Variants in PAK5 observed in about 807,000 individuals in gnomAD.
PAK5 encodes the protein p21 (RAC1) activated kinase 5.
A neutral mutation model predicts 65.9 loss-of-function variants in PAK5; 16 were observed. The observed-to-expected ratio is 0.24, with a 90% confidence interval of 0.16 to 0.37. The LOEUF is 0.37. Ranked by LOEUF, PAK5 falls within the 10% of genes least tolerant of loss-of-function variation. The pLI, the probability that PAK5 is intolerant of heterozygous loss-of-function variation, is 1.00. For synonymous variants in PAK5, 371 were observed against 354.9 expected (o/e 1.05, Z -0.51); for missense variants, 785 against 903.9 (o/e 0.87, Z 1.69).
intron 1 of PAK5, among the ~76,000 whole-genome samples, chr20:9,774,383 T>C (rs2048865376): frequency 1.3e-5 from 2 of 152,262 alleles, no homozygotes; most frequent in South Asian, 4.2e-4. Context: ...GCCATTACCA[T>C]CCCTGGAGTT....
chr20:9,728,140 G>T (rs1055336842), intron 1 of PAK5, among the ~76,000 whole-genome samples: 3 of 152,022 alleles, frequency 2.0e-5, no homozygotes, highest in Non-Finnish European at 2.9e-5. Flanking sequence ...AGGATCTACG[G>T]CCATAAAAGA....
chr20:9,722,543 C>T (rs866607388), intron 1 of PAK5, among the ~76,000 whole-genome samples: 4 of 151,864 alleles, frequency 2.6e-5, no homozygotes, highest in Admixed American at 6.6e-5. Context: ...ACCCGGGAGG[C>T]GGAGCTTGCA....
chr20:9,625,148 A>G (rs1600161933), intron 3 of PAK5, among the ~76,000 whole-genome samples: 1 of 151,916 alleles, frequency 6.6e-6, no homozygotes. Context: ...ACCACCTTTA[A>G]CCACCTCCAT....
rs538380330 is a variant in PAK5 at position 9,649,470 on chromosome 20, A to G, written c.-11-5131T>C. Among the ~76,000 whole-genome samples, 11 of 152,358 alleles carry G rather than the reference A, an allele frequency of 7.2e-5. No individual in the cohort carries two copies. The South Asian group carries it at 1.7e-3, about 23-fold the overall frequency. On this transcript the variant is annotated intron_variant, in intron 2 of 9. Coordinates refer to ENST00000353224, the MANE Select transcript of PAK5 (RefSeq NM_177990.4). ...ATAGAAGAGACTGAAGGAAATCCAGATCCCCAGACTCTAATACCCCATTTC... is the reference window on the plus strand; with the variant it reads ...ATAGAAGAGACTGAAGGAAATCCAGGTCCCCAGACTCTAATACCCCATTTC...
chr20:9,676,423 C>T (rs2047573334), intron 2 of PAK5, among the ~76,000 whole-genome samples: 1 of 152,044 alleles, frequency 6.6e-6, no homozygotes, highest in Admixed American at 6.6e-5. Flanking sequence ...TTTTGAAGGA[C>T]CTAATAAACT....
intron 1 of PAK5, among the ~76,000 whole-genome samples, chr20:9,723,262 G>A (rs146350878): frequency 6.9e-4 from 105 of 152,242 alleles, no homozygotes; most frequent in African/African-American, 2.1e-3. Flanking sequence ...GAGCAGTAGT[G>A]GGAACAGTGA....
intron 3 of PAK5, among the ~76,000 whole-genome samples, chr20:9,630,308 A>G (rs2046904981): frequency 6.6e-6 from 1 of 152,240 alleles, no homozygotes; most frequent in Non-Finnish European, 1.5e-5. Context: ...TAGAAAGATC[A>G]AAAGACAAAA....
chr20:9,732,709 T>C (rs2048347247), intron 1 of PAK5, among the ~76,000 whole-genome samples: 1 of 152,178 alleles, frequency 6.6e-6, no homozygotes. Flanking sequence ...TCTCTAATCT[T>C]GGATTGGTCT....
intron 1 of PAK5, among the ~76,000 whole-genome samples, chr20:9,734,030 A>G (rs914844699): frequency 3.9e-5 from 6 of 152,246 alleles, no homozygotes; most frequent in African/African-American, 1.2e-4. Context: ...AATGTGAAGT[A>G]GAAATCCTTC....
chr20:9,766,199 C>G (rs537145949), intron 1 of PAK5, among the ~76,000 whole-genome samples: 1 of 139,300 alleles, frequency 7.2e-6, no homozygotes, highest in African/African-American at 2.7e-5. Context: ...TCCAGCCTGG[C>G]GACAGAGCAA....
intron 2 of PAK5, among the ~76,000 whole-genome samples, chr20:9,654,001 G>C (rs534519504): frequency 6.7e-6 from 1 of 150,098 alleles, no homozygotes; most frequent in South Asian, 2.1e-4. Context: ...TGCCCCCCAG[G>C]CTGGAGTGCT....
intron 1 of PAK5, among the ~76,000 whole-genome samples, chr20:9,771,551 G>A (rs1422836624): frequency 6.7e-6 from 1 of 148,482 alleles, no homozygotes; most frequent in Non-Finnish European, 1.5e-5. Flanking sequence ...GGGACTACAG[G>A]TGTGTGCCAC....
At chr20:9,705,657 T>C (rs181098490) in intron 2 of PAK5, among the ~76,000 whole-genome samples, 5 of 152,286 alleles carry the variant, frequency 3.3e-5, no homozygotes, top group South Asian at 2.1e-4. Context: ...TGGTTACCTA[T>C]ACATCTTATA....
intron 2 of PAK5, among the ~76,000 whole-genome samples, chr20:9,650,686 G>A (rs141424514): frequency 6.6e-5 from 10 of 152,156 alleles, no homozygotes; most frequent in South Asian, 2.1e-4. Flanking sequence ...ATATGTGCTA[G>A]GTAAACCCTT....
chr20:9,719,758 TC>T (rs1600284907), intron 1 of PAK5, among the ~76,000 whole-genome samples: 1 of 152,254 alleles, frequency 6.6e-6, no homozygotes, highest in Non-Finnish European at 1.5e-5. Context: ...GGCTTCCTCA[TC>T]CTAAAACCAA....
rs368308843 is a variant in PAK5 at position 9,670,095 on chromosome 20, A to G, written c.-11-25756T>C. Among the ~76,000 whole-genome samples the G allele has an allele frequency of 2.0e-5, 3 of 152,308 alleles. No individual in the cohort carries two copies. In the South Asian group the frequency reaches 6.2e-4, roughly 32 times the overall value. Reference sequence around the variant, plus strand: ...CTTCATCCATGTCCCTACAAAGGACATGAACTCATCCTTTTTTATGGCTGC... The same window carrying G: ...CTTCATCCATGTCCCTACAAAGGACGTGAACTCATCCTTTTTTATGGCTGC... On this transcript the variant is annotated intron_variant, in intron 2 of 9. Transcript: ENST00000353224.
chr20:9,624,620 A>G (rs973556763), intron 3 of PAK5, among the ~76,000 whole-genome samples: 18 of 151,864 alleles, frequency 1.2e-4, no homozygotes, highest in Admixed American at 1.2e-3. Context: ...TATACCCTTG[A>G]CAAGTCACAG....
intron 2 of PAK5, among the ~76,000 whole-genome samples, chr20:9,661,181 AT>A (rs1444820371): frequency 6.6e-6 from 1 of 152,130 alleles, no homozygotes; most frequent in African/African-American, 2.4e-5. Context: ...TAAAACAATG[AT>A]TTCAGTTTTG....
At chr20:9,617,716 C>T (rs950472928) in intron 3 of PAK5, among the ~76,000 whole-genome samples, 2 of 151,758 alleles carry the variant, frequency 1.3e-5, no homozygotes, top group African/African-American at 4.9e-5. Context: ...CCACCACGGC[C>T]GGCTGATTTT....
Sources: gnomAD v4.1 joint callset for allele counts (sites outside exome capture counted in the v4.1 genomes callset) on GRCh38, gnomAD v4.1.1 for gene constraint, MANE v1.5 for transcripts, NCBI Gene and HGNC (gene_info 2026-07-23, HGNC 2026-07-21) for gene names.